TST: variants seen among roughly 807,000 people sequenced by gnomAD.
TST encodes epididymis secretory sperm binding protein.
Under a neutral mutation model 20.4 loss-of-function variants are expected in TST, and 22 were observed. The observed-to-expected ratio is 1.08, with a 90% CI of 0.77 to 1.54. The LOEUF (loss-of-function observed/expected upper bound fraction) is 1.54. TST is among the 40% of genes most tolerant of loss of function. The probability of loss-of-function intolerance (pLI) is 0.00; values close to 1 mark genes in which losing one functional copy is unlikely to be tolerated. For synonymous variants in TST, 187 were observed against 173.8 expected, an observed-to-expected ratio of 1.08 and a Z score of -0.60; for missense variants, 392 against 405.2, an observed-to-expected ratio of 0.97 and a Z score of 0.28.
chr22:37,017,790 C>T (rs1383067844), intron 2 of TST, among the ~76,000 whole-genome samples: 6 of 152,128 alleles, frequency 3.9e-5, no homozygotes, highest in Middle Eastern at 3.2e-3. Context: ...GCAATGCAAA[C>T]GCTGGCTCAG....
intron 2 of TST, among the ~76,000 whole-genome samples, chr22:37,014,642 C>T (rs547036846): frequency 1.4e-4 from 22 of 152,290 alleles, no homozygotes; most frequent in African/African-American, 4.8e-4. Context: ...GAGGTGATGT[C>T]GCTTGCCTCA....
intron 2 of TST, among the ~76,000 whole-genome samples, chr22:37,013,604 T>A (rs1303695220): frequency 6.6e-6 from 1 of 152,030 alleles, no homozygotes; most frequent in Non-Finnish European, 1.5e-5. Flanking sequence ...AAAAATATAA[T>A]AATAATGAAT....
rs1383673777 is a variant in TST, at chr22:37,011,272, G to C, written c.649C>G (p.Leu217Val). The C allele has an allele frequency of 1.2e-6, 2 of 1,614,010 alleles. No homozygotes were observed. Among genetic ancestry groups the C allele is most frequent in the South Asian group, 1.1e-5 (1 of 91,080 alleles). ...GAVNMPFMDF[L>V]TEDGFEKGPE... ...CCCTTCTCGAAGCCATCCTCAGTCA[G>C]GAAGTCCATGAAAGGCATGTTGACG... is the stretch of plus-strand genomic sequence containing the variant. Residue 217 changes from leucine (L) to valine (V), a missense_variant, in exon 3 of 3, where the codon CTG becomes GTG. Physicochemically the swap from Leu to Val is conservative, Grantham distance 32 (BLOSUM62 1). Transcript: ENST00000249042.
chr22:37,016,331 G>A (rs908900317), intron 2 of TST, among the ~76,000 whole-genome samples: 4 of 152,102 alleles, frequency 2.6e-5, no homozygotes, highest in African/African-American at 9.7e-5. Flanking sequence ...ACCCAGAGAG[G>A]CCAAGCAACT....
chr22:37,016,237 G>A (rs1055180220), intron 2 of TST, among the ~76,000 whole-genome samples: 5 of 151,836 alleles, frequency 3.3e-5, no homozygotes, highest in Admixed American at 6.6e-5. Context: ...GAGCCACCAC[G>A]CCCGGCCGCC....
In TST at chr22:37,011,087, C is replaced by G. The variant is rs776369714; in HGVS notation, c.834G>C (p.Glu278Asp). Residue 278 changes from glutamate to aspartate, a missense_variant, in exon 3 of 3, where the codon GAG becomes GAC. Transcript: ENST00000249042. ...DVAVYDGSWS[E>D]WFRRAPPESR... is the part of the protein sequence containing the mutation. ...TCTCTGGGGGGGCCCGGCGAAACCA[C>G]TCGGACCAGGAGCCATCGTACACGG... 3.1e-6 allele frequency: 5 copies of G among 1,612,944 alleles called. No homozygotes were observed. The highest frequency in any genetic ancestry group is 3.4e-6 in the Non-Finnish European group (4 of 1,180,024).
chr22:37,017,393 C>T (rs1432558680), intron 2 of TST, among the ~76,000 whole-genome samples: 1 of 152,188 alleles, frequency 6.6e-6, no homozygotes, highest in Non-Finnish European at 1.5e-5. Context: ...AGGGGTAGGG[C>T]AGCATTGGGT....
Position 37,018,760 on chromosome 22 carries a change from C to G in TST, c.-21-7G>C. 2 of 1,448,516 alleles carry G rather than the reference C, an allele frequency of 1.4e-6. No homozygotes were observed. Among genetic ancestry groups the G allele is most frequent in the South Asian group, 1.4e-5 (1 of 69,074 alleles). The allele number at this position is 1,448,516 out of a possible 1,614,324, so 89.7% of individuals were successfully genotyped here. On this transcript the variant is annotated splice_region_variant and splice_polypyrimidine_tract_variant and intron_variant, in intron 1 of 2. Transcript: ENST00000249042. Reference sequence around the variant, plus strand: ...CTTCAGCTCTGCGTGTCACCTGGCACGGGTGGGAACCAGGAAAGAGAGACA... The same window carrying G: ...CTTCAGCTCTGCGTGTCACCTGGCAGGGGTGGGAACCAGGAAAGAGAGACA...
intron 2 of TST, among the ~76,000 whole-genome samples, chr22:37,015,022 C>T (rs1922625058): frequency 1.3e-5 from 2 of 152,160 alleles, no homozygotes; most frequent in African/African-American, 4.8e-5. Context: ...GGGAGCCACA[C>T]CATGGAGCCG....
chr22:37,011,278 C>T lies in TST; in HGVS notation c.643G>A (p.Asp215Asn). Residue 215 changes from aspartate to asparagine, a missense_variant, in exon 3 of 3, where the codon GAC becomes AAC. Coordinates refer to ENST00000249042, the MANE Select transcript of TST (RefSeq NM_003312.6). Reference sequence around the variant, plus strand: ...TCGAAGCCATCCTCAGTCAGGAAGTCCATGAAAGGCATGTTGACGGCACCA... The same window carrying T: ...TCGAAGCCATCCTCAGTCAGGAAGTTCATGAAAGGCATGTTGACGGCACCA... ...IRGAVNMPFM[D>N]FLTEDGFEKG... is the part of the protein sequence containing the mutation. 6.2e-7 allele frequency: 1 copy of T among 1,613,900 alleles called. No individual in the cohort carries two copies. Among genetic ancestry groups the T allele is most frequent in the East Asian group, 2.2e-5 (1 of 44,872 alleles).
In TST at chr22:37,018,322, C is replaced by T. The variant is rs747519484; in HGVS notation, c.411G>A (p.Glu137=). The change falls in exon 2 of 3, where the codon GAG becomes GAA. Residue 137 remains glutamate (E), a synonymous_variant. Transcript: ENST00000249042. ...LNGGFRNWLK[E]GHPVTSEPSR... ...AGGGCTCGGATGTCACCGGGTGGCC[C>T]TCCTTCAGCCAGTTCCGGAAGCCAC... 1 of 1,614,006 alleles carries T rather than the reference C, an allele frequency of 6.2e-7. No homozygotes were observed. Among genetic ancestry groups the T allele is most frequent in the South Asian group, 1.1e-5 (1 of 91,080 alleles).
rs139216088 is a variant in TST, at chr22:37,012,173, C to T, written c.596-848G>A. On this transcript the variant is annotated intron_variant, in intron 2 of 2. Transcript: ENST00000249042. ...CTGGCCCACCCACCCTGCCATGCTG[C>T]GCCCCCAGCCACTTCACCACCCATG... Among the ~76,000 whole-genome samples, 580 of 152,248 alleles carry T rather than the reference C, an allele frequency of 3.8e-3. 4 individuals are homozygous for T. The highest frequency in any genetic ancestry group is 0.013 in the African/African-American group (554 of 41,538).
chr22:37,014,260 C>T (rs1440738185), intron 2 of TST, among the ~76,000 whole-genome samples: 3 of 152,178 alleles, frequency 2.0e-5, no homozygotes, highest in Non-Finnish European at 4.4e-5. Flanking sequence ...GTCCCAGCTA[C>T]TCGGGAGGCT....
intron 2 of TST, among the ~76,000 whole-genome samples, chr22:37,012,642 T>G (rs113965896): frequency 3.3e-5 from 5 of 151,552 alleles, no homozygotes; most frequent in African/African-American, 9.7e-5. Flanking sequence ...GTGGCAGGAG[T>G]GGGAGGGGAA....
In TST at chr22:37,018,137, C is replaced by A; in HGVS notation, c.595+1G>T. 6.5e-7 allele frequency: 1 copy of A among 1,545,884 alleles called. No individual in the cohort carries two copies. Among genetic ancestry groups the A allele is most frequent in the Non-Finnish European group, 8.7e-7 (1 of 1,144,334 alleles). On this transcript the variant is annotated splice_donor_variant, in intron 2 of 2. Coordinates refer to ENST00000249042, the MANE Select transcript of TST (RefSeq NM_003312.6). LOFTEE classifies it high-confidence loss of function. ...GGACCACCCAGCACTGGGACACCTACCTACTGCATCCGGCTCCGGCTCGGT... is the reference window on the plus strand; with the variant it reads ...GGACCACCCAGCACTGGGACACCTAACTACTGCATCCGGCTCCGGCTCGGT...
In TST at chr22:37,018,345, C is replaced by T. The variant is rs771274551; in HGVS notation, c.388G>A (p.Gly130Ser). 2.5e-6 allele frequency: 4 copies of T among 1,614,020 alleles called. No individual in the cohort carries two copies. Among genetic ancestry groups the T allele is most frequent in the Non-Finnish European group, 3.4e-6 (4 of 1,180,024 alleles). ...CCCTCCTTCAGCCAGTTCCGGAAGCCACCATTGAGCACTGATACGGTGCGG... is the reference window on the plus strand; with the variant it reads ...CCCTCCTTCAGCCAGTTCCGGAAGCTACCATTGAGCACTGATACGGTGCGG... ...GHRTVSVLNG[G>S]FRNWLKEGHP... The change falls in exon 2 of 3, where the codon GGC becomes AGC. Residue 130 changes from glycine (G) to serine (S), a missense_variant. Physicochemically the swap from Gly to Ser is moderately conservative, Grantham distance 56 (BLOSUM62 0). Coordinates refer to ENST00000249042, the MANE Select transcript of TST (RefSeq NM_003312.6).
Position 37,016,947 on chromosome 22 carries a change from G to C in TST, c.595+1191C>G, listed in dbSNP as rs183212808. Among the ~76,000 whole-genome samples, 114 of 152,318 alleles carry C rather than the reference G, an allele frequency of 7.5e-4. No individual in the cohort carries two copies. The Middle Eastern group carries it at 0.01, about 14-fold the overall frequency. ...CACCGTTCAGGCCCTCCAGCTCTAA[G>C]AGTGTGCAGAACAGTTTTCCCAGCA... On this transcript the variant is annotated intron_variant, in intron 2 of 2. Transcript: ENST00000249042.
chr22:37,019,837 A>T, upstream of TST: 3 of 1,214,180 alleles, frequency 2.5e-6, no homozygotes, highest in Non-Finnish European at 3.1e-6. Context: ...CGCGGGGGCC[A>T]TGGCGGAGCC....
chr22:37,012,464 G>A (rs915771727), intron 2 of TST, among the ~76,000 whole-genome samples: 12 of 152,182 alleles, frequency 7.9e-5, no homozygotes, highest in Admixed American at 2.0e-4. Flanking sequence ...TGTCTTCCTC[G>A]AGCAGCCCAC....
Sources: gnomAD v4.1 joint callset for allele counts (sites outside exome capture counted in the v4.1 genomes callset) on GRCh38, gnomAD v4.1.1 for gene constraint, MANE v1.5 for transcripts, NCBI Gene and HGNC (gene_info 2026-07-23, HGNC 2026-07-21) for gene names.